GHDC: variants seen among roughly 807,000 people sequenced by gnomAD.
GHDC encodes the protein GH3 domain-containing protein.
A neutral mutation model predicts 51.5 loss-of-function variants in GHDC; 39 were observed. The ratio of observed to expected loss-of-function variants is 0.76; its 90% CI spans 0.59 to 0.99. The LOEUF (loss-of-function observed/expected upper bound fraction) is 0.99. Among genes scored for constraint, GHDC ranks in the 50% least tolerant of loss-of-function variants. GHDC has a pLI of 0.00. For synonymous variants in GHDC, 282 were observed against 305.2 expected (o/e 0.92, Z 0.79); for missense variants, 610 against 672.8 (o/e 0.91, Z 1.03).
At chr17:42,190,149 G>A (rs1483423988) in intron 9 of GHDC, 36 bp downstream of exon 9, 10 of 1,592,662 alleles carry the variant, frequency 6.3e-6, no homozygotes, top group East Asian at 2.2e-5. Context: ...CAGAGTGAAG[G>A]GGTCTACAGT....
In GHDC at chr17:42,189,933, AC is replaced by A. The variant is rs1329122510; in HGVS notation, c.1375-13del. 6.6e-7 allele frequency: 1 copy of A among 1,513,720 alleles called. No homozygotes were observed. The highest frequency in any genetic ancestry group is 2.4e-5 in the East Asian group (1 of 40,852). The allele number at this position is 1,513,720 out of a possible 1,614,324, so 93.8% of individuals were successfully genotyped here. A position where few individuals can be genotyped will look rare whatever the true frequency, so the allele number is the denominator to read the frequency against. ...AGGCAGTGGTCCAGCTGGGAACAGA[AC>A]AGCCTGAGTGAGCTGGTGTGTGACT... On this transcript the variant is annotated splice_polypyrimidine_tract_variant and intron_variant, in intron 9 of 9. Transcript: ENST00000587427.
In GHDC at chr17:42,193,345, G is replaced by A; in HGVS notation, c.237C>T (p.Arg79=). 3 of 1,605,740 alleles carry A rather than the reference G, an allele frequency of 1.9e-6. No individual in the cohort carries two copies. Among genetic ancestry groups the A allele is most frequent in the Non-Finnish European group, 2.5e-6 (3 of 1,176,476 alleles). The change falls in exon 3 of 10, where the codon CGC becomes CGT. Residue 79 remains arginine, a synonymous_variant. Transcript: ENST00000587427. ...ALRWCLQGAQ[R]PHCSLRRSTD... is the part of the protein sequence containing the mutation. ...TGCTCCTTCTGAGGGAACAGTGGGG[G>A]CGCTGGGCTCCCTGTAGACACCACC...
In GHDC at chr17:42,190,671, G is replaced by GCCCACTGC. The variant is rs754813954; in HGVS notation, c.1233_1240dup (p.Ala414GlyfsTer35). The stretch of plus-strand genomic sequence containing the variant: ...GCCATGGTCCAGCAGCTTGGCCCCC[G>GCCCACTGC]CCCACTGCCCCACTGCCCGGCCCAG... On this transcript the variant is annotated frameshift_variant, in exon 8 of 10. Transcript: ENST00000587427. LOFTEE classifies it high-confidence loss of function. 3 of 1,613,544 alleles carry GCCCACTGC rather than the reference G, an allele frequency of 1.9e-6. No individual in the cohort carries two copies. Among genetic ancestry groups the GCCCACTGC allele is most frequent in the South Asian group, 2.2e-5 (2 of 91,066 alleles).
In GHDC at chr17:42,189,636, G is replaced by T; in HGVS notation, c.*67C>A. ...GACCCTGGCCAAGGACTCCCCATCC[G>T]GAGAGGTCCCAGAGGGAGGGGCGAG... On this transcript the variant is annotated 3_prime_UTR_variant, in exon 10 of 10. Transcript: ENST00000587427. 1.3e-6 allele frequency: 1 copy of T among 775,348 alleles called. No individual in the cohort carries two copies. Among genetic ancestry groups the T allele is most frequent in the Non-Finnish European group, 1.9e-6 (1 of 520,318 alleles). The allele number at this position is 775,348 out of a possible 1,614,324, so 48.0% of individuals were successfully genotyped here.
At position 42,192,486 on chromosome 17, in the gene GHDC, G is replaced by T. The variant is rs1391340113; in HGVS notation, c.644C>A (p.Thr215Asn). The change falls in exon 5 of 10, where the codon ACT becomes AAT. Residue 215 changes from threonine to asparagine, a missense_variant. Thr to Asn is a moderately conservative substitution (Grantham distance 65). Around this residue, in one of 2 missense-constraint regions of GHDC, gnomAD observed 412 missense variants for 410.4 expected, o/e 1.00. Coordinates refer to ENST00000587427, the MANE Select transcript of GHDC (RefSeq NM_032484.5). ...CGCCCCAGCTAGCTCTTCACCATCA[G>T]TCTCCAGGCCCAAGAAAACATCCAG... ...ELLDVFLGLE[T>N]DGEELAGAIA... 1 of 1,613,724 alleles carries T rather than the reference G, an allele frequency of 6.2e-7. No individual in the cohort carries two copies. Among genetic ancestry groups the T allele is most frequent in the East Asian group, 2.2e-5 (1 of 44,886 alleles).
At chr17:42,193,907 G>T in intron 1 of GHDC, 57 bp from the exon 2 acceptor site, 1 of 347,426 alleles carries the variant, frequency 2.9e-6, no homozygotes, top group Non-Finnish European at 5.3e-6. Flanking sequence ...GGTGGGCCGG[G>T]TGAGGTGGCT....
At position 42,190,604 on chromosome 17, in the gene GHDC, G is replaced by T. The variant is rs2079960171; in HGVS notation, c.1288+20C>A. 1 of 1,604,508 alleles carries T rather than the reference G, an allele frequency of 6.2e-7. No homozygotes were observed. Among genetic ancestry groups the T allele is most frequent in the Non-Finnish European group, 8.5e-7 (1 of 1,177,172 alleles). On this transcript the variant is annotated intron_variant, in intron 8 of 9. Coordinates refer to ENST00000587427, the MANE Select transcript of GHDC (RefSeq NM_032484.5). Reference sequence around the variant, plus strand: ...AGGGTAGCTCAAGGATGGTAGGCAGGAGCCGGTGGGGAGGCTCACCCAGAA... The same window carrying T: ...AGGGTAGCTCAAGGATGGTAGGCAGTAGCCGGTGGGGAGGCTCACCCAGAA...
intron 8 of GHDC, 36 bp from the exon 9 acceptor site, chr17:42,190,306 T>A (rs1273670310): frequency 6.2e-7 from 1 of 1,614,060 alleles, no homozygotes; most frequent in Admixed American, 1.7e-5. Context: ...ATACTTCCGG[T>A]GAATGGGCAG....
intron 5 of GHDC, among the ~76,000 whole-genome samples, chr17:42,191,888 A>C (rs1445230629): frequency 6.7e-6 from 1 of 149,320 alleles, no homozygotes; most frequent in Non-Finnish European, 1.5e-5. Flanking sequence ...TCAGCCTCCC[A>C]GGTAGCTGGG....
Position 42,189,437 on chromosome 17 carries a change from T to C in GHDC, c.*266A>G. On this transcript the variant is annotated 3_prime_UTR_variant, in exon 10 of 10. Coordinates refer to ENST00000587427, the MANE Select transcript of GHDC (RefSeq NM_032484.5). ...GGGCTGTGATACAGGAAACCATCGG[T>C]GTGCATGGTAACTCTCTAGCAGTGT... The C allele has an allele frequency of 5.1e-6, 2 of 396,026 alleles. No homozygotes were observed. The highest frequency in any genetic ancestry group is 3.6e-5 in the East Asian group (1 of 27,754). 24.5% of individuals were successfully genotyped at this position (396,026 alleles called of 1,614,324 possible).
chr17:42,194,196 A>AAAAG (rs1162933384), intron 1 of GHDC, 197 bp downstream of exon 1: 1 of 152,070 alleles, frequency 6.6e-6, no homozygotes, highest in African/African-American at 2.4e-5. Context: ...AAAAGAAAAG[A>AAAAG]AAAAAAAGGG....
At position 42,189,671 on chromosome 17, in the gene GHDC, G is replaced by C. The variant is rs749988474; in HGVS notation, c.*32C>G. ...CAGAGGGAGGGGCGAGGTGGCCTCT[G>C]GGGGGAGCTGGGCGGTGGGGCAGGA... On this transcript the variant is annotated 3_prime_UTR_variant, in exon 10 of 10. Coordinates refer to ENST00000587427, the MANE Select transcript of GHDC (RefSeq NM_032484.5). The C allele has an allele frequency of 4.2e-5, 51 of 1,224,718 alleles. No homozygotes were observed. The Admixed American group carries it at 5.3e-4, about 13-fold the overall frequency. The allele number at this position is 1,224,718 out of a possible 1,614,324, so 75.9% of individuals were successfully genotyped here.
At chr17:42,192,821 A>G (rs2144169607) in intron 4 of GHDC, 79 bp from the exon 5 acceptor site, 1 of 1,561,778 alleles carries the variant, frequency 6.4e-7, no homozygotes, top group Non-Finnish European at 8.6e-7. Flanking sequence ...TTTGCCCACC[A>G]TGACTGGAGG....
At chr17:42,193,157 T>G in intron 3 of GHDC, 130 bp from the exon 4 acceptor site, 1 of 1,540,204 alleles carries the variant, frequency 6.5e-7, no homozygotes, top group Non-Finnish European at 8.9e-7. Context: ...GGACCCAGCA[T>G]GGGAAATTCA....
chr17:42,189,483 G>T lies in GHDC; in HGVS notation c.*220C>A. The T allele has an allele frequency of 2.4e-6, 1 of 416,974 alleles. No homozygotes were observed. Among genetic ancestry groups the T allele is most frequent in the Non-Finnish European group, 4.2e-6 (1 of 237,284 alleles). The allele number at this position is 416,974 out of a possible 1,614,324, so 25.8% of individuals were successfully genotyped here. ...AGTGTCCTTCATGCCGGGACATGGG[G>T]ACACGGGCAGGCACTGCTGGCATCT... On this transcript the variant is annotated 3_prime_UTR_variant, in exon 10 of 10. Coordinates refer to ENST00000587427, the MANE Select transcript of GHDC (RefSeq NM_032484.5).
rs1051067720 is a variant in GHDC at position 42,192,441 on chromosome 17, C to T, written c.689G>A (p.Gly230Glu). Residue 230 changes from glycine to glutamate, a missense_variant, in exon 5 of 10, where the codon GGA (glycine) becomes GAA (glutamate). Gly to Glu is a moderately conservative substitution (Grantham distance 98, BLOSUM62 -2). This residue lies in a region of GHDC where 412 missense variants were observed against 410.4 expected (regional missense o/e 1.00). Coordinates refer to ENST00000587427, the MANE Select transcript of GHDC (RefSeq NM_032484.5). ...LAGAIAAGNPGAPLRERAAEL... is the reference protein window; with the variant it reads ...LAGAIAAGNPEAPLRERAAEL... ...AGCTGCCCGTTCACGGAGAGGCGCT[C>T]CAGGGTTCCCGGCAGCTATCGCCCC... The T allele has an allele frequency of 4.3e-6, 7 of 1,613,440 alleles. No individual in the cohort carries two copies. The African/African-American group carries it at 6.7e-5, about 15-fold the overall frequency.
chr17:42,193,650 T>C (rs187417333), intron 2 of GHDC, 56 bp from the exon 3 acceptor site: 81 of 1,474,758 alleles, frequency 5.5e-5, no homozygotes, highest in South Asian at 3.3e-4. Flanking sequence ...CCATTTCTCC[T>C]CCCACGCTCT....
chr17:42,194,269 C>A, intron 1 of GHDC, 124 bp downstream of exon 1: 1 of 152,580 alleles, frequency 6.6e-6, no homozygotes. Flanking sequence ...GTCGGGCACA[C>A]AGCAGCTGCG....
chr17:42,193,710 C>A lies in GHDC; in HGVS notation c.-14+57G>T, dbSNP rs546487053. 9.2e-5 allele frequency: 116 copies of A among 1,262,688 alleles called. No homozygotes were observed. In the Middle Eastern group the frequency reaches 1.9e-3, roughly 21 times the overall value. The allele number at this position is 1,262,688 out of a possible 1,614,324, so 78.2% of individuals were successfully genotyped here. On this transcript the variant is annotated intron_variant, in intron 2 of 9. Transcript: ENST00000587427. ...AAATGAAATTGGGAAGAAGGCAGGA[C>A]CCTGTGGGGCAGGTGATGCAAAGGA...
Sources: allele counts gnomAD v4.1 joint callset (sites outside exome capture counted in the v4.1 genomes callset), GRCh38; gene constraint gnomAD v4.1.1; regional missense constraint gnomAD v4.1.1; transcripts MANE v1.5; gene names NCBI Gene and HGNC (gene_info 2026-07-23, HGNC 2026-07-21).